Variants in JAKMIP2 observed in about 807,000 individuals in gnomAD.
The protein encoded by JAKMIP2 is janus kinase and microtubule interacting protein 2, also known as janus kinase and microtubule-interacting protein 2.
JAKMIP2 carries 25 observed loss-of-function variants against 115.0 expected under a neutral mutation model. That is an observed-to-expected ratio of 0.22 (90% CI 0.16 to 0.30). The LOEUF (loss-of-function observed/expected upper bound fraction) is 0.30, where lower values mean the gene tolerates loss of function less well. Among genes scored for constraint, JAKMIP2 ranks in the 10% least tolerant of loss-of-function variants. JAKMIP2 has a pLI of 1.00. For missense variants in JAKMIP2, 642 were observed against 957.6 expected, an observed-to-expected ratio of 0.67 and a Z score of 4.35; for synonymous variants, 334 against 343.6, an observed-to-expected ratio of 0.97 and a Z score of 0.31.
intron 1 of JAKMIP2, among the ~76,000 whole-genome samples, chr5:147,751,075 T>A (rs1302225092): frequency 1.5e-5 from 1 of 68,534 alleles, no homozygotes; most frequent in African/African-American, 1.1e-4. Flanking sequence ...TCAGAATGAC[T>A]TTTTTTTTTT....
In JAKMIP2 at chr5:147,671,739, T is replaced by C. The variant is rs763527340; in HGVS notation, c.68A>G (p.Asn23Ser). Reference sequence around the variant, plus strand: ...TGTGAGCTTGGTCCTGAGGTCTTCATTGGCAGCTTGAAGGGCAACAATGAG... The same window carrying C: ...TGTGAGCTTGGTCCTGAGGTCTTCACTGGCAGCTTGAAGGGCAACAATGAG... ...EALIVALQAA[N>S]EDLRTKLTDI... The change falls in exon 2 of 22, where the codon AAT becomes AGT. Residue 23 changes from asparagine (N) to serine (S), a missense_variant. By Grantham distance (46) the Asn-to-Ser change is conservative. Transcript: ENST00000616793. 1 of 1,592,352 alleles carries C rather than the reference T, an allele frequency of 6.3e-7. No homozygotes were observed. Among genetic ancestry groups the C allele is most frequent in the Non-Finnish European group, 8.6e-7 (1 of 1,168,690 alleles).
intron 14 of JAKMIP2, among the ~76,000 whole-genome samples, chr5:147,630,156 A>C (rs1285286061): frequency 6.6e-6 from 1 of 152,174 alleles, no homozygotes; most frequent in Non-Finnish European, 1.5e-5. Context: ...TAATAAATAT[A>C]AAGAATCAAC....
Position 147,591,671 on chromosome 5 carries a change from C to A in JAKMIP2, c.*36G>T. On this transcript the variant is annotated 3_prime_UTR_variant, in exon 22 of 22. Transcript: ENST00000616793. Reference sequence around the variant, plus strand: ...GCACTTGTCTTCCTGGGATCTTATCCATGTTTTCGGTTACTCTGCAAAACA... The same window carrying A: ...GCACTTGTCTTCCTGGGATCTTATCAATGTTTTCGGTTACTCTGCAAAACA... The A allele has an allele frequency of 6.3e-7, 1 of 1,595,664 alleles. No homozygotes were observed. Among genetic ancestry groups the A allele is most frequent in the Non-Finnish European group, 8.6e-7 (1 of 1,167,174 alleles).
chr5:147,745,756 T>C lies in JAKMIP2; in HGVS notation c.-149+36700A>G, dbSNP rs148589195. Among the ~76,000 whole-genome samples, 628 of 152,290 alleles carry C rather than the reference T, an allele frequency of 4.1e-3. 11 individuals carry two copies. Among genetic ancestry groups the C allele is most frequent in the African/African-American group, 0.014 (596 of 41,568 alleles). ...AAAGACACAGACATCATTAGGACAA[T>C]GTTATTATGAATACATGATACATGG... On this transcript the variant is annotated intron_variant, in intron 1 of 21. Coordinates refer to ENST00000616793, the MANE Select transcript of JAKMIP2 (RefSeq NM_001270941.2).
chr5:147,591,798 A>G, intron 21 of JAKMIP2, 112 bp from the exon 22 acceptor site: 1 of 659,280 alleles, frequency 1.5e-6, no homozygotes, highest in Admixed American at 2.9e-5. Flanking sequence ...CACTGCTTTG[A>G]TGTGTATGAT....
At chr5:147,754,030 T>G (rs900305945) in intron 1 of JAKMIP2, among the ~76,000 whole-genome samples, 1 of 152,186 alleles carries the variant, frequency 6.6e-6, no homozygotes, top group African/African-American at 2.4e-5. Flanking sequence ...ACAAACCATG[T>G]GATTTTAGAA....
At chr5:147,751,255 TG>T (rs913983536) in intron 1 of JAKMIP2, among the ~76,000 whole-genome samples, 1 of 133,690 alleles carries the variant, frequency 7.5e-6, no homozygotes, top group Non-Finnish European at 1.6e-5. Flanking sequence ...TTTTTGTTGT[TG>T]TTTTTTTTTT....
chr5:147,631,538 A>G (rs201609872), intron 13 of JAKMIP2, 27 bp from the exon 14 acceptor site: 2 of 1,449,242 alleles, frequency 1.4e-6, no homozygotes, highest in East Asian at 2.3e-5. Flanking sequence ...GAATATATGG[A>G]AATTAAAAAC....
At chr5:147,706,014 G>A (rs779446709) in intron 1 of JAKMIP2, among the ~76,000 whole-genome samples, 1 of 152,074 alleles carries the variant, frequency 6.6e-6, no homozygotes, top group Non-Finnish European at 1.5e-5. Context: ...TTATGTTATA[G>A]GTATACTTGA....
chr5:147,646,176 A>C (rs1405110079), intron 5 of JAKMIP2, among the ~76,000 whole-genome samples: 1 of 152,128 alleles, frequency 6.6e-6, no homozygotes, highest in East Asian at 1.9e-4. Flanking sequence ...ATATTTGTAA[A>C]ATCTCATCTT....
chr5:147,692,928 A>G (rs1427826081), intron 1 of JAKMIP2, among the ~76,000 whole-genome samples: 1 of 152,222 alleles, frequency 6.6e-6, no homozygotes, highest in Non-Finnish European at 1.5e-5. Flanking sequence ...ATGAGAACAA[A>G]TCATTTCTGT....
chr5:147,623,702 C>G lies in JAKMIP2; in HGVS notation c.1996-13G>C. 1.3e-6 allele frequency: 2 copies of G among 1,597,784 alleles called. No individual in the cohort carries two copies. The highest frequency in any genetic ancestry group is 2.2e-5 in the East Asian group (1 of 44,776). ...TCTGCTGGATCCACTAAGGGGTTAA[C>G]AAGACAAAAGTGTTTGACATGGCTG... On this transcript the variant is annotated splice_polypyrimidine_tract_variant and intron_variant, in intron 16 of 21. Transcript: ENST00000616793.
intron 1 of JAKMIP2, among the ~76,000 whole-genome samples, chr5:147,716,523 T>C (rs969084371): frequency 6.6e-5 from 10 of 152,026 alleles, no homozygotes; most frequent in Admixed American, 6.6e-4. Context: ...CCTGACTTTT[T>C]AATGATTGCC....
chr5:147,647,827 T>C (rs1758201095), intron 5 of JAKMIP2, among the ~76,000 whole-genome samples: 1 of 152,184 alleles, frequency 6.6e-6, no homozygotes, highest in Non-Finnish European at 1.5e-5. Context: ...GAAATGGGCA[T>C]ATTTTTTCAG....
At chr5:147,739,090 G>T (rs998199255) in intron 1 of JAKMIP2, among the ~76,000 whole-genome samples, 1 of 152,218 alleles carries the variant, frequency 6.6e-6, no homozygotes, top group African/African-American at 2.4e-5. Context: ...TCACCAAGGG[G>T]AAGGGGCTCT....
At chr5:147,753,573 T>G (rs936805368) in intron 1 of JAKMIP2, among the ~76,000 whole-genome samples, 1 of 152,192 alleles carries the variant, frequency 6.6e-6, no homozygotes, top group East Asian at 1.9e-4. Flanking sequence ...TCAAGAGAAA[T>G]TGAAAATCCA....
At chr5:147,753,977 G>A (rs968116454) in intron 1 of JAKMIP2, among the ~76,000 whole-genome samples, 6 of 152,022 alleles carry the variant, frequency 3.9e-5, no homozygotes, top group South Asian at 2.1e-4. Context: ...TCCTCCTAAC[G>A]CAATGATGCA....
intron 1 of JAKMIP2, among the ~76,000 whole-genome samples, chr5:147,693,746 C>T (rs2126867043): frequency 6.6e-6 from 1 of 152,200 alleles, no homozygotes; most frequent in South Asian, 2.1e-4. Context: ...CAAGTTTTTG[C>T]ACTTTCGTTT....
At chr5:147,707,545 A>C (rs184424662) in intron 1 of JAKMIP2, among the ~76,000 whole-genome samples, 1 of 151,770 alleles carries the variant, frequency 6.6e-6, no homozygotes, top group Non-Finnish European at 1.5e-5. Context: ...GCCCCATGAG[A>C]TTTTCTTTCA....
Sources: gnomAD v4.1 joint callset for allele counts (sites outside exome capture counted in the v4.1 genomes callset) on GRCh38, gnomAD v4.1.1 for gene constraint, MANE v1.5 for transcripts, NCBI Gene and HGNC (gene_info 2026-07-23, HGNC 2026-07-21) for gene names.